The following SMARCC2 variants were observed in gnomAD, a reference collection of about 807,000 sequenced individuals.
The protein encoded by SMARCC2 is SWI/SNF related BAF chromatin remodeling complex subunit C2.
A neutral mutation model predicts 151.3 loss-of-function variants in SMARCC2; 15 were observed. The observed-to-expected ratio is 0.10, with a 90% CI of 0.07 to 0.15. The LOEUF (loss-of-function observed/expected upper bound fraction) is 0.15, where lower values mean the gene tolerates loss of function less well. SMARCC2 is among the 10% of genes least tolerant of loss of function. The pLI is 1.00. For synonymous variants in SMARCC2, 590 were observed against 609.5 expected, an observed-to-expected ratio of 0.97 and a Z score of 0.47; for missense variants, 1,031 against 1,599.7, an observed-to-expected ratio of 0.64 and a Z score of 6.06.
In SMARCC2 at chr12:56,169,065, G is replaced by A. The variant is rs200282686; in HGVS notation, c.2715+464C>T. On this transcript the variant is annotated intron_variant, in intron 25 of 28. Coordinates refer to ENST00000550164, the MANE Select transcript of SMARCC2 (RefSeq NM_001330288.2). ...TTCCAGCAGTTTGGGAGGCCAAAGC[G>A]GGTGGATCACCTGAGGTTAGGAGTT... is the stretch of plus-strand genomic sequence containing the variant. Among the ~76,000 whole-genome samples the A allele has an allele frequency of 2.6e-4, 39 of 152,074 alleles. 1 individual carries two copies. Among genetic ancestry groups the A allele is most frequent in the Non-Finnish European group, 5.0e-4 (34 of 68,002 alleles).
chr12:56,165,438 A>G lies in SMARCC2; in HGVS notation c.3112T>C (p.Leu1038=). The G allele has an allele frequency of 6.5e-7, 1 of 1,532,198 alleles. No individual in the cohort carries two copies. The highest frequency in any genetic ancestry group is 8.8e-7 in the Non-Finnish European group (1 of 1,141,030). 94.9% of individuals were successfully genotyped at this position (1,532,198 alleles called of 1,614,324 possible). The change falls in exon 27 of 29, where the codon TTG becomes CTG. Residue 1038 remains leucine (L), a synonymous_variant. Coordinates refer to ENST00000550164, the MANE Select transcript of SMARCC2 (RefSeq NM_001330288.2). The part of the protein sequence containing the change: ...PAGSGAPPGS[L]GPSEQIGQAG... ...TGCCCAATCTGTTCAGAAGGGCCCA[A>G]ACTTCCTGGAGGGGCCCCACTGCCA...
chr12:56,181,112 AAG>A lies in SMARCC2; in HGVS notation c.957-13_957-12del, dbSNP rs1203621340. 12 of 1,605,548 alleles carry A rather than the reference AAG, an allele frequency of 7.5e-6. No individual in the cohort carries two copies. Among genetic ancestry groups the A allele is most frequent in the South Asian group, 1.1e-5 (1 of 90,708 alleles). ...TAAGGTGTTGAGGGACTGGGAAGGA[AAG>A]AGAGTGAAAGAGAACCCAGTCATCC... On this transcript the variant is annotated splice_polypyrimidine_tract_variant and intron_variant, in intron 10 of 28. Coordinates refer to ENST00000550164, the MANE Select transcript of SMARCC2 (RefSeq NM_001330288.2).
Position 56,167,951 on chromosome 12 carries a change from AACACAC to A in SMARCC2, c.2850+103_2850+108del, listed in dbSNP as rs56809897. The A allele has an allele frequency of 0.077, 53,156 of 687,060 alleles. 1,446 individuals carry two copies. The highest frequency in any genetic ancestry group is 0.16 in the African/African-American group (7,187 of 44,186). 42.6% of individuals were successfully genotyped at this position (687,060 alleles called of 1,614,324 possible). A position where few individuals can be genotyped will look rare whatever the true frequency, so the allele number is the denominator to read the frequency against. ...CTGTTGCTTATCTCTCTTTCACTGA[AACACAC>A]ACACACACACACACACACACACACA... On this transcript the variant is annotated intron_variant, in intron 26 of 28. Coordinates refer to ENST00000550164, the MANE Select transcript of SMARCC2 (RefSeq NM_001330288.2).
intron 8 of SMARCC2, 25 bp downstream of exon 8, chr12:56,181,979 A>G (rs753781154): frequency 9.3e-5 from 149 of 1,597,116 alleles, no homozygotes; most frequent in Non-Finnish European, 1.2e-4. Flanking sequence ...CTTTTTGGGG[A>G]AGAGGGGATA....
intron 1 of SMARCC2, 57 bp downstream of exon 1, chr12:56,189,294 G>A: frequency 1.8e-6 from 2 of 1,140,066 alleles, no homozygotes; most frequent in Non-Finnish European, 2.4e-6. Context: ...GGGCTGCAGG[G>A]CCGCGGTCCC....
chr12:56,183,798 G>C lies in SMARCC2; in HGVS notation c.632+63C>G, dbSNP rs935040144. On this transcript the variant is annotated intron_variant, in intron 7 of 28. Coordinates refer to ENST00000550164, the MANE Select transcript of SMARCC2 (RefSeq NM_001330288.2). ...GAAAGAGTGGCCTCTTGCTCTGCTA[G>C]ATGTCCTAGGGCTTCTGGGTCTGGC... 5.4e-6 allele frequency: 6 copies of C among 1,117,598 alleles called. No homozygotes were observed. In the African/African-American group the frequency reaches 9.4e-5, roughly 17 times the overall value. 69.2% of individuals were successfully genotyped at this position (1,117,598 alleles called of 1,614,324 possible).
rs982881721 is a variant in SMARCC2, at chr12:56,179,627, T to C, written c.1082-571A>G. Reference sequence around the variant, plus strand: ...ATGTCTCCAAAGTGGGGTTCTAACATAGGACGCAAAAGATGATCCACTGCA... The same window carrying C: ...ATGTCTCCAAAGTGGGGTTCTAACACAGGACGCAAAAGATGATCCACTGCA... On this transcript the variant is annotated intron_variant, in intron 11 of 28. Transcript: ENST00000550164. 3.9e-5 allele frequency among the ~76,000 whole-genome samples: 6 copies of C among 152,268 alleles called. No homozygotes were observed. The East Asian group carries it at 5.8e-4, about 15-fold the overall frequency.
At chr12:56,189,311 C>T in intron 1 of SMARCC2, 40 bp downstream of exon 1, 3 of 1,335,646 alleles carry the variant, frequency 2.2e-6, no homozygotes, top group East Asian at 2.9e-5. Context: ...TCCCTTTGTC[C>T]CGCCCCCGGT....
Position 56,172,565 on chromosome 12 carries a change from A to G in SMARCC2, c.1863+20T>C. On this transcript the variant is annotated intron_variant, in intron 19 of 28. Coordinates refer to ENST00000550164, the MANE Select transcript of SMARCC2 (RefSeq NM_001330288.2). ...AGGAGCGAACATTCTCTACCCCTAG[A>G]GTCGGCCCGCACCTCCTACCTTGGA... 1.2e-6 allele frequency: 2 copies of G among 1,614,170 alleles called. No homozygotes were observed. The highest frequency in any genetic ancestry group is 1.7e-6 in the Non-Finnish European group (2 of 1,180,010).
chr12:56,168,440 T>C (rs1405271841), intron 25 of SMARCC2, among the ~76,000 whole-genome samples: 1 of 151,712 alleles, frequency 6.6e-6, no homozygotes, highest in Admixed American at 6.6e-5. Flanking sequence ...AGTGGCATGA[T>C]CTCAGCTCAC....
intron 1 of SMARCC2, among the ~76,000 whole-genome samples, chr12:56,188,689 G>A (rs1877753214): frequency 6.6e-6 from 1 of 152,164 alleles, no homozygotes; most frequent in African/African-American, 2.4e-5. Flanking sequence ...AGGTTGCAAG[G>A]TGACTTCATT....
chr12:56,165,824 A>C (rs1315073210), intron 26 of SMARCC2, 125 bp from the exon 27 acceptor site: 1 of 948,884 alleles, frequency 1.1e-6, no homozygotes, highest in Non-Finnish European at 1.6e-6. Flanking sequence ...CAAAATCTAC[A>C]TCTTGTGCTT....
chr12:56,176,822 G>C (rs1875091865), intron 15 of SMARCC2, among the ~76,000 whole-genome samples: 1 of 145,302 alleles, frequency 6.9e-6, no homozygotes, highest in Non-Finnish European at 1.5e-5. Context: ...TTTTGTTTTT[G>C]TTTTTTTGTT....
At chr12:56,164,206 A>G (rs1872332643) in intron 28 of SMARCC2, 97 bp downstream of exon 28, 1 of 1,088,048 alleles carries the variant, frequency 9.2e-7, no homozygotes, top group African/African-American at 1.6e-5. Flanking sequence ...AGGATTGTGG[A>G]AACTCTAATA....
Position 56,163,713 on chromosome 12 carries a change from G to A in SMARCC2, c.3714C>T (p.Val1238=), listed in dbSNP as rs1311799222. ...PDPTAPSPGT[V]TPVPPPQ Reference sequence around the variant, plus strand: ...CTCACTGTGGAGGTGGCACAGGGGTGACCGTGCCTGGGCTCGGGGCTGTGG... The same window carrying A: ...CTCACTGTGGAGGTGGCACAGGGGTAACCGTGCCTGGGCTCGGGGCTGTGG... The change falls in exon 29 of 29, where the codon GTC becomes GTT. Residue 1238 remains valine (V), a synonymous_variant. Coordinates refer to ENST00000550164, the MANE Select transcript of SMARCC2 (RefSeq NM_001330288.2). 4 of 1,507,878 alleles carry A rather than the reference G, an allele frequency of 2.7e-6. No homozygotes were observed. The highest frequency in any genetic ancestry group is 3.5e-6 in the Non-Finnish European group (4 of 1,136,676). The allele number at this position is 1,507,878 out of a possible 1,614,324, so 93.4% of individuals were successfully genotyped here. A position where few individuals can be genotyped will look rare whatever the true frequency, so the allele number is the denominator to read the frequency against.
chr12:56,183,995 A>T (rs1185709577), intron 6 of SMARCC2, 65 bp from the exon 7 acceptor site: 7 of 1,292,880 alleles, frequency 5.4e-6, no homozygotes, highest in Non-Finnish European at 7.8e-6. Context: ...AATACTGTAC[A>T]AAAGCCCTAA....
At chr12:56,179,141 C>G (rs1483360346) in intron 11 of SMARCC2, 85 bp from the exon 12 acceptor site, 2 of 1,205,538 alleles carry the variant, frequency 1.7e-6, no homozygotes, top group African/African-American at 3.0e-5. Flanking sequence ...CCTACTTTCT[C>G]CAAAAATTGT....
At chr12:56,177,293 G>A (rs1415733162) in intron 15 of SMARCC2, among the ~76,000 whole-genome samples, 1 of 152,166 alleles carries the variant, frequency 6.6e-6, no homozygotes, top group Admixed American at 6.5e-5. Context: ...CAGCCAGGCT[G>A]GAGAGCAGTG....
chr12:56,185,107 G>A lies in SMARCC2; in HGVS notation c.322C>T (p.Arg108Cys). ...CGTGATGGATTCTGGAAATCGTAAC[G>A]CCGCCTTGTGAAGAGGCAATAATCT... ...YKFKSDQGWR[R>C]YDFQNPSRMD... The change falls in exon 4 of 29, where the codon CGT (arginine) becomes TGT (cysteine). Residue 108 changes from arginine to cysteine, a missense_variant. Arg to Cys is a radical substitution (Grantham distance 180). This residue lies in a region of SMARCC2 where 16 missense variants were observed against 56.0 expected (regional missense o/e 0.29). Coordinates refer to ENST00000550164, the MANE Select transcript of SMARCC2 (RefSeq NM_001330288.2). 1.2e-6 allele frequency: 2 copies of A among 1,613,578 alleles called. No homozygotes were observed. Among genetic ancestry groups the A allele is most frequent in the Non-Finnish European group, 8.5e-7 (1 of 1,179,590 alleles).
Sources: allele counts gnomAD v4.1 joint callset (sites outside exome capture counted in the v4.1 genomes callset), GRCh38; gene constraint gnomAD v4.1.1; regional missense constraint gnomAD v4.1.1; transcripts MANE v1.5; gene names NCBI Gene and HGNC (gene_info 2026-07-23, HGNC 2026-07-21).